RASGRF2: variants seen among roughly 807,000 people sequenced by gnomAD.
The protein encoded by RASGRF2 is Ras protein specific guanine nucleotide releasing factor 2.
In RASGRF2, 76 loss-of-function variants were observed where a neutral mutation model predicts 151.0. The ratio of observed to expected loss-of-function variants is 0.50; its 90% CI spans 0.42 to 0.61. The LOEUF is 0.61. Ranked by LOEUF, RASGRF2 falls within the 20% of genes least tolerant of loss-of-function variation. RASGRF2 has a pLI of 0.00. For synonymous variants in RASGRF2, 504 were observed against 566.5 expected (o/e 0.89, Z 1.57); for missense variants, 1,148 against 1,564.6 (o/e 0.73, Z 4.49).
At chr5:80,976,107 G>C (rs899118772) in intron 1 of RASGRF2, among the ~76,000 whole-genome samples, 1 of 152,146 alleles carries the variant, frequency 6.6e-6, no homozygotes, top group South Asian at 2.1e-4. Context: ...GCCTCCCAAA[G>C]TGCTGGGATT....
intron 19 of RASGRF2, chr5:81,204,220 G>A (rs1265584508): frequency 6.6e-6 from 1 of 152,238 alleles, no homozygotes; most frequent in Non-Finnish European, 1.5e-5. Context: ...CAGAAGACTA[G>A]AAGCAAATCT....
chr5:81,217,572 T>TTA, intron 25 of RASGRF2, 99 bp downstream of exon 25: 104 of 492,660 alleles, frequency 2.1e-4, no homozygotes, highest in Non-Finnish European at 2.7e-4. Context: ...TTTTTTTCTC[T>TTA]TCTTTTTTTT....
intron 17 of RASGRF2, among the ~76,000 whole-genome samples, chr5:81,157,819 A>G (rs115540816): frequency 0.027 from 4,172 of 152,296 alleles, 198 homozygotes; most frequent in African/African-American, 0.093. Context: ...GAACATGGGG[A>G]AAACCGCCCC....
intron 17 of RASGRF2, among the ~76,000 whole-genome samples, chr5:81,130,786 A>G (rs1243336951): frequency 6.6e-6 from 1 of 152,074 alleles, no homozygotes; most frequent in East Asian, 1.9e-4. Context: ...AGACAAATAA[A>G]CACCCCATGC....
At chr5:81,178,576 G>A (rs1305377278) in intron 17 of RASGRF2, among the ~76,000 whole-genome samples, 1 of 152,138 alleles carries the variant, frequency 6.6e-6, no homozygotes, top group Admixed American at 6.5e-5. Context: ...AGGCCTAGAC[G>A]AGATTTCCTA....
At chr5:80,966,268 T>G (rs1473137119) in intron 1 of RASGRF2, among the ~76,000 whole-genome samples, 5 of 152,260 alleles carry the variant, frequency 3.3e-5, no homozygotes, top group Middle Eastern at 6.8e-3. Flanking sequence ...ATCTATAATT[T>G]GGGGAGCTTT....
intron 17 of RASGRF2, among the ~76,000 whole-genome samples, chr5:81,144,479 C>G (rs1753958563): frequency 6.6e-6 from 1 of 152,190 alleles, no homozygotes. Context: ...AAGGCGATAA[C>G]TTGATAACAT....
chr5:81,141,650 T>C (rs748433740), intron 17 of RASGRF2, among the ~76,000 whole-genome samples: 3 of 152,236 alleles, frequency 2.0e-5, no homozygotes, highest in Non-Finnish European at 4.4e-5. Flanking sequence ...TCTGCCTTTC[T>C]CTGCAGCACG....
At chr5:81,139,251 A>T (rs1388677443) in intron 17 of RASGRF2, among the ~76,000 whole-genome samples, 1 of 152,084 alleles carries the variant, frequency 6.6e-6, no homozygotes, top group Non-Finnish European at 1.5e-5. Context: ...TGTTTTCTAC[A>T]ACTTTGCTAA....
At chr5:81,040,346 G>A (rs529112997) in intron 1 of RASGRF2, among the ~76,000 whole-genome samples, 3 of 152,192 alleles carry the variant, frequency 2.0e-5, no homozygotes, top group African/African-American at 7.2e-5. Flanking sequence ...CCTCAATTAG[G>A]GAAATGGAAT....
chr5:81,225,627 C>T (rs374773936), intron 26 of RASGRF2, 51 bp from the exon 27 acceptor site: 482 of 1,590,132 alleles, frequency 3.0e-4, no homozygotes, highest in Non-Finnish European at 3.9e-4. Flanking sequence ...AGAAAATGTA[C>T]GCACTGGTGT....
chr5:81,066,656 C>G (rs921111463), intron 2 of RASGRF2, among the ~76,000 whole-genome samples: 4 of 152,194 alleles, frequency 2.6e-5, no homozygotes, highest in African/African-American at 9.7e-5. Context: ...TTTTCTCTCC[C>G]GTCGGACTCA....
chr5:81,052,252 G>A (rs1478315089), intron 2 of RASGRF2, among the ~76,000 whole-genome samples: 2 of 152,114 alleles, frequency 1.3e-5, no homozygotes, highest in Non-Finnish European at 2.9e-5. Context: ...ACTTTTAGAA[G>A]CACTCCTTAA....
At chr5:81,137,542 C>T in intron 17 of RASGRF2, among the ~76,000 whole-genome samples, 1 of 152,172 alleles carries the variant, frequency 6.6e-6, no homozygotes, top group East Asian at 1.9e-4. Context: ...GAGGTCCCAC[C>T]ATTACCCTAG....
At chr5:81,048,770 A>G (rs1211270168) in intron 2 of RASGRF2, among the ~76,000 whole-genome samples, 4 of 152,044 alleles carry the variant, frequency 2.6e-5, no homozygotes, top group Non-Finnish European at 5.9e-5. Context: ...TTGCTCCATT[A>G]CTTATTCCAT....
intron 1 of RASGRF2, among the ~76,000 whole-genome samples, chr5:81,010,964 G>T (rs1392636692): frequency 6.6e-6 from 1 of 152,108 alleles, no homozygotes; most frequent in African/African-American, 2.4e-5. Flanking sequence ...GCAGCATTGC[G>T]TTTGTATGTT....
At chr5:80,990,700 A>C (rs897153362) in intron 1 of RASGRF2, among the ~76,000 whole-genome samples, 4 of 152,092 alleles carry the variant, frequency 2.6e-5, no homozygotes, top group African/African-American at 9.7e-5. Flanking sequence ...CATGGGTTGA[A>C]TTGCTGGCTG....
chr5:81,116,070 T>C (rs944675061), intron 15 of RASGRF2, among the ~76,000 whole-genome samples: 7 of 52,490 alleles, frequency 1.3e-4, no homozygotes, highest in African/African-American at 3.0e-4. Context: ...CCATTTCTTT[T>C]TTTTTTTTTT....
At chr5:81,153,761 T>C (rs1389006898) in intron 17 of RASGRF2, among the ~76,000 whole-genome samples, 2 of 152,048 alleles carry the variant, frequency 1.3e-5, no homozygotes, top group Non-Finnish European at 2.9e-5. Context: ...AATCAAAAGG[T>C]AAATATTGTC....
Sources: allele counts gnomAD v4.1 joint callset (sites outside exome capture counted in the v4.1 genomes callset), GRCh38; gene constraint gnomAD v4.1.1; transcripts MANE v1.5; gene names NCBI Gene and HGNC (gene_info 2026-07-23, HGNC 2026-07-21).